The following PTDSS2 variants were observed in gnomAD, a reference collection of about 807,000 sequenced individuals.
PTDSS2 encodes the protein PSS-2.
PTDSS2 carries 41 observed loss-of-function variants against 64.7 expected under a neutral mutation model. The observed-to-expected ratio is 0.63, with a 90% confidence interval of 0.49 to 0.82. The LOEUF (loss-of-function observed/expected upper bound fraction) is 0.82, where lower values mean the gene tolerates loss of function less well. Ranked by LOEUF, PTDSS2 falls within the 40% of genes least tolerant of loss-of-function variation. The pLI is 0.00. For missense variants in PTDSS2, 485 were observed against 650.0 expected, an observed-to-expected ratio of 0.75 and a Z score of 2.76; for synonymous variants, 297 against 277.8, an observed-to-expected ratio of 1.07 and a Z score of -0.69.
rs779570041 is a variant in PTDSS2 at position 486,950 on chromosome 11, C to T, written c.447C>T (p.Asp149=). Residue 149 remains aspartate (D), a synonymous_variant, in exon 5 of 12, where the codon GAC becomes GAT. Transcript: ENST00000308020. The part of the protein sequence containing the change: ...LIFILFQTVQ[D]GRQFLKYVDP... ...CACTGGCCTTGCAGACTGTCCAGGA[C>T]GGCCGGCAGTTTCTAAAGTATGTTG... The T allele has an allele frequency of 3.3e-5, 54 of 1,612,102 alleles. No homozygotes were observed. The highest frequency in any genetic ancestry group is 2.7e-4 in the African/African-American group (20 of 74,928).
At chr11:459,837 G>A in intron 1 of PTDSS2, 1 of 270,386 alleles carries the variant, frequency 3.7e-6, no homozygotes. Flanking sequence ...GGCTTGTCTT[G>A]CGCAGTGAAA....
In PTDSS2 at chr11:479,170, G is replaced by C. The variant is rs768352835; in HGVS notation, c.435+18G>C. 1.1e-5 allele frequency: 18 copies of C among 1,606,456 alleles called. No homozygotes were observed. The Admixed American group carries it at 2.7e-4, about 24-fold the overall frequency. On this transcript the variant is annotated intron_variant, in intron 4 of 11. Transcript: ENST00000308020. This position sits in a 1 kb window ranked among gnomAD's most constrained non-coding sequence, Gnocchi z 4.2. Reference sequence around the variant, plus strand: ...TCTTCCAGGTAAGCTGTTTTTCTGGGTTGGATACCTGGGAACTTAGGTGAC... The same window carrying C: ...TCTTCCAGGTAAGCTGTTTTTCTGGCTTGGATACCTGGGAACTTAGGTGAC...
At chr11:485,419 G>A (rs1409790401) in intron 4 of PTDSS2, among the ~76,000 whole-genome samples, 1 of 144,958 alleles carries the variant, frequency 6.9e-6, no homozygotes, top group East Asian at 2.1e-4. Context: ...AACAGTGCAC[G>A]GACGCGTGTG....
chr11:482,466 A>AC (rs1477769014), intron 4 of PTDSS2, among the ~76,000 whole-genome samples: 1 of 151,910 alleles, frequency 6.6e-6, no homozygotes, highest in Non-Finnish European at 1.5e-5. Context: ...CAAGTGAGCC[A>AC]CCGCACCTGA....
chr11:484,741 G>A (rs1282313959), intron 4 of PTDSS2, among the ~76,000 whole-genome samples: 2 of 146,518 alleles, frequency 1.4e-5, no homozygotes, highest in Admixed American at 6.8e-5. Flanking sequence ...TGTGCTCACC[G>A]TGTGCGCAGG....
chr11:454,145 T>TA (rs1465285815), intron 1 of PTDSS2, among the ~76,000 whole-genome samples: 1 of 152,172 alleles, frequency 6.6e-6, no homozygotes, highest in African/African-American at 2.4e-5. Flanking sequence ...ATACGGACCT[T>TA]ACTTTCCAGG....
rs1474817562 is a variant in PTDSS2, at chr11:479,513, G to GCC, written c.435+363_435+364dup. The GCC allele has an allele frequency of 3.0e-6, 1 of 334,826 alleles. No individual in the cohort carries two copies. Among genetic ancestry groups the GCC allele is most frequent in the African/African-American group, 2.1e-5 (1 of 46,724 alleles). The allele number at this position is 334,826 out of a possible 1,614,324, so 20.7% of individuals were successfully genotyped here. A position where few individuals can be genotyped will look rare whatever the true frequency, so the allele number is the denominator to read the frequency against. On this transcript the variant is annotated intron_variant, in intron 4 of 11. Coordinates refer to ENST00000308020, the MANE Select transcript of PTDSS2 (RefSeq NM_030783.3). The surrounding 1 kb of genome is among the most constrained non-coding windows in gnomAD (Gnocchi z 4.2). ...GTGGTGCAGCTGCCAGGGTGGCTTT[G>GCC]CCCACAGCTGTCGTATCTGAGTGCT...
At chr11:485,836 G>A (rs1373228499) in intron 4 of PTDSS2, among the ~76,000 whole-genome samples, 1 of 25,600 alleles carries the variant, frequency 3.9e-5, no homozygotes, top group Non-Finnish European at 7.3e-5. Flanking sequence ...TGCTCACCGT[G>A]CGCGCAGGCG....
intron 1 of PTDSS2, chr11:459,344 CGGTGG>C (rs1846758931): frequency 6.7e-6 from 1 of 148,990 alleles, no homozygotes; most frequent in African/African-American, 2.6e-5. Flanking sequence ...GGACACACTC[CGGTGG>C]ATGTAGGACC....
chr11:478,287 CAA>C (rs112622153), intron 3 of PTDSS2, among the ~76,000 whole-genome samples: 7 of 128,034 alleles, frequency 5.5e-5, no homozygotes, highest in Non-Finnish European at 5.1e-5. Flanking sequence ...CCTATCTCTA[CAA>C]AAAAAAAAAA....
chr11:486,453 C>T (rs1257191940), intron 4 of PTDSS2, among the ~76,000 whole-genome samples: 1 of 152,220 alleles, frequency 6.6e-6, no homozygotes, highest in South Asian at 2.1e-4. Context: ...GGGGTTCCTT[C>T]CCCACGCGCT....
chr11:470,361 T>C lies in PTDSS2; in HGVS notation c.285-3534T>C, dbSNP rs1456510154. ...ACTAAGGAACATTCCACAGAATTCC[T>C]GACCAGGCCTCCTCCAAACCATCCA... On this transcript the variant is annotated intron_variant, in intron 2 of 11. Coordinates refer to ENST00000308020, the MANE Select transcript of PTDSS2 (RefSeq NM_030783.3). This position sits in a 1 kb window ranked among gnomAD's most constrained non-coding sequence, Gnocchi z 5.3. Among the ~76,000 whole-genome samples, 1 of 152,156 alleles carries C rather than the reference T, an allele frequency of 6.6e-6. No homozygotes were observed. Among genetic ancestry groups the C allele is most frequent in the East Asian group, 1.9e-4 (1 of 5,184 alleles).
intron 1 of PTDSS2, among the ~76,000 whole-genome samples, chr11:455,778 T>C (rs889837919): frequency 6.6e-6 from 1 of 152,252 alleles, no homozygotes; most frequent in African/African-American, 2.4e-5. Context: ...TTAACCTCCC[T>C]AACCACTCCC....
In PTDSS2 at chr11:450,317, T is replaced by G. The variant is rs1846254362; in HGVS notation, c.-139T>G. On this transcript the variant is annotated 5_prime_UTR_variant, in exon 1 of 12. Coordinates refer to ENST00000308020, the MANE Select transcript of PTDSS2 (RefSeq NM_030783.3). ...CACCCTTTACTGGCCGGCCCCGCGC[T>G]GCTCTCCTAAGACCCCGCGGGCCAG... is the stretch of plus-strand genomic sequence containing the variant. The G allele has an allele frequency of 1.5e-6, 1 of 662,772 alleles. No individual in the cohort carries two copies. The highest frequency in any genetic ancestry group is 2.1e-6 in the Non-Finnish European group (1 of 474,304). The allele number at this position is 662,772 out of a possible 1,614,324, so 41.1% of individuals were successfully genotyped here.
At chr11:458,347 G>T (rs942199970) in intron 1 of PTDSS2, among the ~76,000 whole-genome samples, 7 of 151,508 alleles carry the variant, frequency 4.6e-5, no homozygotes, top group African/African-American at 1.7e-4. Flanking sequence ...TGGGACTACA[G>T]GCGCCCACCC....
At chr11:450,686 G>T (rs1176330997) in intron 1 of PTDSS2, 49 bp downstream of exon 1, 1 of 1,235,676 alleles carries the variant, frequency 8.1e-7, no homozygotes, top group African/African-American at 1.6e-5. Flanking sequence ...CTCGACCTGG[G>T]GGTTCCGGCA....
rs200701352 is a variant in PTDSS2 at position 487,059 on chromosome 11, T to G, written c.556T>G (p.Phe186Val). 1.2e-6 allele frequency: 2 copies of G among 1,613,124 alleles called. No individual in the cohort carries two copies. The highest frequency in any genetic ancestry group is 4.5e-5 in the East Asian group (2 of 44,880). Reference sequence around the variant, plus strand: ...CGACCCAGACAATGAGACTGACCCCTTTCACAACATCTGGGTAAGACGCCG... The same window carrying G: ...CGACCCAGACAATGAGACTGACCCCGTTCACAACATCTGGGTAAGACGCCG... ...IYDPDNETDP[F>V]HNIWDKLDGF... Residue 186 changes from phenylalanine (F) to valine (V), a missense_variant, in exon 5 of 12, where the codon TTT becomes GTT. Phe to Val is a conservative substitution (Grantham distance 50). Around this residue, in one of 3 missense-constraint regions of PTDSS2, gnomAD observed 251 missense variants for 348.0 expected, o/e 0.72. Coordinates refer to ENST00000308020, the MANE Select transcript of PTDSS2 (RefSeq NM_030783.3).
intron 3 of PTDSS2, 52 bp downstream of exon 3, chr11:474,029 C>A (rs755538281): frequency 1.4e-6 from 2 of 1,440,640 alleles, no homozygotes; most frequent in Non-Finnish European, 9.8e-7. Context: ...CTGTTCTGAG[C>A]GGCCACTCTG....
chr11:451,385 C>T (rs902001884), intron 1 of PTDSS2: 20 of 447,238 alleles, frequency 4.5e-5, no homozygotes, highest in African/African-American at 3.2e-4. Flanking sequence ...CTCCCGACAG[C>T]TGCGACCCTG....
Sources: allele counts gnomAD v4.1 joint callset (sites outside exome capture counted in the v4.1 genomes callset), GRCh38; gene constraint gnomAD v4.1.1; regional missense constraint gnomAD v4.1.1; non-coding constraint Gnocchi (gnomAD v3.1); transcripts MANE v1.5; gene names NCBI Gene and HGNC (gene_info 2026-07-23, HGNC 2026-07-21).